Variants in PIBF1 observed in about 807,000 individuals in gnomAD.
The protein encoded by PIBF1 is progesterone immunomodulatory binding factor 1.
A neutral mutation model predicts 112.5 loss-of-function variants in PIBF1; 90 were observed. The observed-to-expected ratio is 0.80, with a 90% CI of 0.67 to 0.95. The LOEUF (loss-of-function observed/expected upper bound fraction) is 0.95. Ranked by LOEUF, PIBF1 falls within the 40% of genes least tolerant of loss-of-function variation. The probability of loss-of-function intolerance (pLI) is 0.00; values close to 1 mark genes in which losing one functional copy is unlikely to be tolerated. For missense variants in PIBF1, 915 were observed against 852.3 expected (o/e 1.07, Z -0.92); for synonymous variants, 301 against 288.6 (o/e 1.04, Z -0.44).
chr13:72,937,235 T>C (rs2041894447), intron 14 of PIBF1, among the ~76,000 whole-genome samples: 2 of 152,200 alleles, frequency 1.3e-5, no homozygotes, highest in Admixed American at 6.5e-5. Context: ...TTTATTCACT[T>C]TATTTTTCTT....
chr13:72,853,394 G>A lies in PIBF1; in HGVS notation c.1224-663G>A, dbSNP rs75894928. The stretch of plus-strand genomic sequence containing the variant: ...TTTAGTCATACTAATTTTCATACCC[G>A]ATCTTGTTAGCCACCAAAATTCTGC... On this transcript the variant is annotated intron_variant, in intron 9 of 17. Coordinates refer to ENST00000326291, the MANE Select transcript of PIBF1 (RefSeq NM_006346.4). Among the ~76,000 whole-genome samples the A allele has an allele frequency of 4.5e-3, 677 of 152,106 alleles. 5 individuals are homozygous for A. The highest frequency in any genetic ancestry group is 0.016 in the African/African-American group (651 of 41,474).
chr13:72,889,743 A>G (rs78944636), intron 10 of PIBF1, among the ~76,000 whole-genome samples: 246 of 152,092 alleles, frequency 1.6e-3, no homozygotes, highest in African/African-American at 5.7e-3. Flanking sequence ...CTTACTTTCA[A>G]CCTGGATCAG....
intron 10 of PIBF1, among the ~76,000 whole-genome samples, chr13:72,858,023 T>TTGCTTTTTGTGAG (rs71099760): frequency 7.1e-6 from 1 of 141,224 alleles, no homozygotes; most frequent in Non-Finnish European, 1.5e-5. Context: ...CAAATGTACA[T>TTGCTTTTTGTGAG]TGTGTGTGTG....
Position 72,998,874 on chromosome 13 carries a change from A to T in PIBF1, c.2102A>T (p.Glu701Val). The change falls in exon 17 of 18, where the codon GAG (glutamate) becomes GTG (valine). Residue 701 changes from glutamate to valine, a missense_variant. By Grantham distance (121) the Glu-to-Val change is moderately radical. Transcript: ENST00000326291. ...GTTAAGATGCATAGTAAACATTCTG[A>T]GAACAGCTTACTTCTCACTAAAACA... Reference protein sequence around the residue: ...ILVKMHSKHSENSLLLTKTEP... With the variant: ...ILVKMHSKHSVNSLLLTKTEP... 6.2e-7 allele frequency: 1 copy of T among 1,612,232 alleles called. No homozygotes were observed. Among genetic ancestry groups the T allele is most frequent in the South Asian group, 1.1e-5 (1 of 90,942 alleles).
rs544752328 is a variant in PIBF1 at position 72,862,213 on chromosome 13, C to T, written c.1322+8058C>T. ...TGGGTAGTGGGAAGAGGATGGGAAA[C>T]AGCAATGTTGTAAATCTAAGTGAAG... On this transcript the variant is annotated intron_variant, in intron 10 of 17. Transcript: ENST00000326291. Among the ~76,000 whole-genome samples, 25 of 152,266 alleles carry T rather than the reference C, an allele frequency of 1.6e-4. 1 individual carries two copies. In the South Asian group the frequency reaches 5.0e-3, roughly 30 times the overall value.
At chr13:72,784,956 T>A (rs2034518387) in intron 2 of PIBF1, among the ~76,000 whole-genome samples, 1 of 152,036 alleles carries the variant, frequency 6.6e-6, no homozygotes, top group Non-Finnish European at 1.5e-5. Context: ...CACTGCAACC[T>A]CCACCTCTTG....
chr13:72,978,178 G>T (rs1278584279), intron 16 of PIBF1, among the ~76,000 whole-genome samples: 4 of 152,146 alleles, frequency 2.6e-5, no homozygotes, highest in African/African-American at 9.7e-5. Context: ...TTTTATTAAA[G>T]AACAGTTTAA....
At chr13:72,836,679 CTTTG>C (rs1034292552) in intron 9 of PIBF1, among the ~76,000 whole-genome samples, 6 of 151,946 alleles carry the variant, frequency 3.9e-5, no homozygotes, top group African/African-American at 1.4e-4. Flanking sequence ...TCTCAGGTTT[CTTTG>C]TTCTTGGGTA....
chr13:72,854,530 G>T (rs1381317546), intron 10 of PIBF1, among the ~76,000 whole-genome samples: 1 of 152,058 alleles, frequency 6.6e-6, no homozygotes. Flanking sequence ...AAATACTCTT[G>T]TGTCCAGGTT....
chr13:72,846,784 A>G (rs781682605), intron 9 of PIBF1, among the ~76,000 whole-genome samples: 14 of 152,094 alleles, frequency 9.2e-5, no homozygotes, highest in Non-Finnish European at 2.1e-4. Context: ...AACATACTAC[A>G]TATTTATTTA....
Position 72,916,396 on chromosome 13 carries a change from A to AG in PIBF1, c.1640-680_1640-679insG, listed in dbSNP as rs1566443956. On this transcript the variant is annotated intron_variant, in intron 12 of 17. Transcript: ENST00000326291. ...AACAAGAGCGAAACTCCATCTCAAAAAATATATATATATATATATTTTTTT... is the reference window on the plus strand; with the variant it reads ...AACAAGAGCGAAACTCCATCTCAAAAGAATATATATATATATATATTTTTTT... Among the ~76,000 whole-genome samples the AG allele has an allele frequency of 2.5e-4, 24 of 96,722 alleles. No homozygotes were observed. The South Asian group carries it at 9.7e-3, about 39-fold the overall frequency. The allele number at this position is 96,722 out of a possible 152,430, so 63.5% of individuals were successfully genotyped here.
rs2044174823 is a variant in PIBF1, at chr13:73,010,810, C to CTTTTTCTTTTTT, written c.2224-5054_2224-5053insCTTTTTTTTTTT. 7.4e-5 allele frequency among the ~76,000 whole-genome samples: 3 copies of CTTTTTCTTTTTT among 40,280 alleles called. 1 individual carries two copies. The highest frequency in any genetic ancestry group is 2.9e-4 in the African/African-American group (3 of 10,438). The allele number at this position is 40,280 out of a possible 152,430, so 26.4% of individuals were successfully genotyped here. A position where few individuals can be genotyped will look rare whatever the true frequency, so the allele number is the denominator to read the frequency against. On this transcript the variant is annotated intron_variant, in intron 17 of 17. Transcript: ENST00000326291. ...CTGAGCTGGAAAATCATTAACTTTT[C>CTTTTTCTTTTTT]TTTTTTTTTTTTTTTTTTTTTTTTT...
rs759903563 is a variant in PIBF1, at chr13:72,965,290, C to T, written c.1850C>T (p.Ser617Leu). ...QLSQELDRAN[S>L]LLNQTQQPYR... ...TTTCTTTAGCTTGACAGAGCCAATT[C>T]GCTATTAAACCAGACTCAACAGCCT... is the stretch of plus-strand genomic sequence containing the variant. Residue 617 changes from serine (S) to leucine (L), a missense_variant, in exon 15 of 18, where the codon TCG (serine) becomes TTG (leucine). Physicochemically the swap from Ser to Leu is moderately radical, Grantham distance 145. Transcript: ENST00000326291. 4.3e-6 allele frequency: 7 copies of T among 1,609,272 alleles called. No individual in the cohort carries two copies. In the Admixed American group the frequency reaches 8.4e-5, roughly 19 times the overall value.
At chr13:73,002,260 G>A (rs1478072570) in intron 17 of PIBF1, among the ~76,000 whole-genome samples, 1 of 152,166 alleles carries the variant, frequency 6.6e-6, no homozygotes, top group Non-Finnish European at 1.5e-5. Flanking sequence ...TCTAAACTGG[G>A]TGGGGAACTT....
intron 16 of PIBF1, among the ~76,000 whole-genome samples, chr13:72,986,083 A>T (rs2043280527): frequency 6.6e-6 from 1 of 151,954 alleles, no homozygotes; most frequent in Admixed American, 6.6e-5. Context: ...GGACCACTTG[A>T]CCCCGGGACT....
At chr13:72,873,536 G>T (rs1018338037) in intron 10 of PIBF1, among the ~76,000 whole-genome samples, 1 of 152,048 alleles carries the variant, frequency 6.6e-6, no homozygotes, top group Non-Finnish European at 1.5e-5. Context: ...CCAAGTAGCT[G>T]GGATTTCAGG....
intron 10 of PIBF1, among the ~76,000 whole-genome samples, chr13:72,860,695 C>A (rs1168396890): frequency 6.6e-6 from 1 of 152,070 alleles, no homozygotes; most frequent in Non-Finnish European, 1.5e-5. Context: ...TCAAATGCCA[C>A]ATTTTTATGA....
chr13:72,963,579 G>A (rs9543185), intron 14 of PIBF1, among the ~76,000 whole-genome samples: 16,824 of 152,188 alleles, frequency 0.11, 1,269 homozygotes, highest in Non-Finnish European at 0.17. Context: ...GGGTGACAGA[G>A]CAAGACTCCA....
intron 5 of PIBF1, among the ~76,000 whole-genome samples, chr13:72,817,670 G>A (rs1449543788): frequency 6.6e-6 from 1 of 152,144 alleles, no homozygotes; most frequent in African/African-American, 2.4e-5. Flanking sequence ...GAAAAAATAG[G>A]ATAAACTCTA....
Sources: allele counts gnomAD v4.1 joint callset (sites outside exome capture counted in the v4.1 genomes callset), GRCh38; gene constraint gnomAD v4.1.1; transcripts MANE v1.5; gene names NCBI Gene and HGNC (gene_info 2026-07-23, HGNC 2026-07-21).